COA8: variants seen among roughly 807,000 people sequenced by gnomAD.
COA8 encodes the protein cytochrome c oxidase assembly factor 8.
Under a neutral mutation model 22.0 loss-of-function variants are expected in COA8, and 20 were observed. The ratio of observed to expected loss-of-function variants is 0.91; its 90% confidence interval spans 0.64 to 1.32. The LOEUF (loss-of-function observed/expected upper bound fraction) is 1.32. COA8 is among the 40% of genes most tolerant of loss of function. The probability of loss-of-function intolerance (pLI) is 0.00; values close to 1 mark genes in which losing one functional copy is unlikely to be tolerated. For missense variants in COA8, 266 were observed against 230.0 expected (o/e 1.16, Z -1.01); for synonymous variants, 105 against 79.9 (o/e 1.31, Z -1.68).
chr14:103,574,543 T>G, intron 3 of COA8: 1 of 446,894 alleles, frequency 2.2e-6, no homozygotes, highest in South Asian at 1.7e-5. Flanking sequence ...GGTGTCAGTG[T>G]TAGGCCTGAA....
intron 1 of COA8, among the ~76,000 whole-genome samples, chr14:103,568,650 G>A (rs2076156546): frequency 6.9e-6 from 1 of 144,974 alleles, no homozygotes; most frequent in South Asian, 2.1e-4. Flanking sequence ...TATATATAGT[G>A]ACAGGGTCTC....
intron 3 of COA8, among the ~76,000 whole-genome samples, chr14:103,576,839 C>T (rs566237681): frequency 5.2e-4 from 79 of 152,172 alleles, no homozygotes; most frequent in African/African-American, 1.8e-3. Flanking sequence ...GCCATGGAGA[C>T]GGGAGGAAGC....
At chr14:103,567,588 G>A (rs1017705642) in intron 1 of COA8, 1 of 152,138 alleles carries the variant, frequency 6.6e-6, no homozygotes, top group African/African-American at 2.4e-5. Context: ...GTCTCACTTT[G>A]TTGCCCAGGC....
chr14:103,581,449 GT>G lies in COA8; in HGVS notation c.386-5824del. ...GTGGAGGTGCTGGACAGAGGGAGGA[GT>G]CGCCTCCTGGGCTGGTCGGAGTAGG... is the stretch of plus-strand genomic sequence containing the variant. On this transcript the variant is annotated intron_variant, in intron 3 of 4. Transcript: ENST00000409074. This position sits in a 1 kb window ranked among gnomAD's most constrained non-coding sequence, Gnocchi z 4.1. 2.5e-6 allele frequency: 1 copy of G among 392,556 alleles called. No homozygotes were observed. Among genetic ancestry groups the G allele is most frequent in the Non-Finnish European group, 4.5e-6 (1 of 222,800 alleles). The allele number at this position is 392,556 out of a possible 1,614,324, so 24.3% of individuals were successfully genotyped here.
intron 3 of COA8, among the ~76,000 whole-genome samples, chr14:103,576,036 G>T (rs555919461): frequency 1.3e-5 from 2 of 151,904 alleles, no homozygotes; most frequent in East Asian, 3.9e-4. Context: ...GGCCGGGCGC[G>T]GTGGTTCACG....
intron 1 of COA8, 173 bp downstream of exon 1, chr14:103,563,297 A>T (rs367793384): frequency 2.2e-6 from 2 of 892,246 alleles, no homozygotes; most frequent in East Asian, 2.6e-5. Flanking sequence ...CAACGCCCTC[A>T]GTCGGATGGG....
intron 4 of COA8, among the ~76,000 whole-genome samples, chr14:103,589,209 G>A (rs1260573157): frequency 6.6e-6 from 1 of 152,304 alleles, no homozygotes; most frequent in East Asian, 1.9e-4. Context: ...CAGGTCGTCT[G>A]TATTAGTGAA....
chr14:103,587,358 A>G lies in COA8; in HGVS notation c.470A>G (p.Tyr157Cys), dbSNP rs1052785319. 7.5e-6 allele frequency: 12 copies of G among 1,610,548 alleles called. No homozygotes were observed. The highest frequency in any genetic ancestry group is 9.3e-6 in the Non-Finnish European group (11 of 1,177,292). Residue 157 changes from tyrosine to cysteine, a missense_variant, in exon 4 of 5, where the codon TAT becomes TGT. By Grantham distance (194) the Tyr-to-Cys change is radical. Transcript: ENST00000409074. ...LSKNFQKHMYYNRDWYKRNFA... is the reference protein window; with the variant it reads ...LSKNFQKHMYCNRDWYKRNFA... ...AAAAATTTTCAGAAGCACATGTATTATAACAGGTAGGTGTTTACTCTTTTC... is the reference window on the plus strand; with the variant it reads ...AAAAATTTTCAGAAGCACATGTATTGTAACAGGTAGGTGTTTACTCTTTTC...
chr14:103,570,832 TC>T (rs1177233232), intron 1 of COA8, among the ~76,000 whole-genome samples: 2 of 152,198 alleles, frequency 1.3e-5, no homozygotes, highest in Non-Finnish European at 2.9e-5. Flanking sequence ...CTAGATTTTT[TC>T]AAAAATAGTT....
chr14:103,582,729 C>T (rs2076277493), intron 3 of COA8, among the ~76,000 whole-genome samples: 1 of 137,746 alleles, frequency 7.3e-6, no homozygotes, highest in South Asian at 2.2e-4. Context: ...CCATAAAATT[C>T]ACCCTGCCTT....
chr14:103,567,523 A>G (rs1164802589), intron 1 of COA8: 5 of 152,106 alleles, frequency 3.3e-5, no homozygotes, highest in Admixed American at 2.6e-4. Context: ...AGCACTGGCA[A>G]TTTTTGACAG....
intron 3 of COA8, among the ~76,000 whole-genome samples, chr14:103,585,524 T>G (rs2151186823): frequency 6.6e-6 from 1 of 151,558 alleles, no homozygotes; most frequent in East Asian, 1.9e-4. Flanking sequence ...TACTAGACCT[T>G]TATTAGATGG....
Position 103,574,119 on chromosome 14 carries a change from T to G in COA8, c.334T>G (p.Phe112Val). The change falls in exon 3 of 5, where the codon TTT (phenylalanine) becomes GTT (valine). Residue 112 changes from phenylalanine to valine, a missense_variant. Physicochemically the swap from Phe to Val is conservative, Grantham distance 50. Coordinates refer to ENST00000409074, the MANE Select transcript of COA8 (RefSeq NM_001370595.2). ...TTTTTTTTTTAAGGAAAAAGAAGAA[T>G]TTATTCACTCAAGACTAAAAACTAA... ...NLTFSKEKEEFIHSRLKTKGL... is the reference protein window; with the variant it reads ...NLTFSKEKEEVIHSRLKTKGL... 2 of 1,454,482 alleles carry G rather than the reference T, an allele frequency of 1.4e-6. No homozygotes were observed. The highest frequency in any genetic ancestry group is 1.9e-6 in the Non-Finnish European group (2 of 1,069,062). The allele number at this position is 1,454,482 out of a possible 1,614,324, so 90.1% of individuals were successfully genotyped here.
chr14:103,587,217 T>G, intron 3 of COA8, 57 bp from the exon 4 acceptor site: 1 of 1,447,390 alleles, frequency 6.9e-7, no homozygotes, highest in Non-Finnish European at 9.6e-7. Context: ...GCTCTAATAG[T>G]TTTTTGTTTA....
intron 1 of COA8, among the ~76,000 whole-genome samples, chr14:103,568,614 T>C (rs977798819): frequency 3.1e-5 from 2 of 64,868 alleles, no homozygotes; most frequent in Non-Finnish European, 6.0e-5. Flanking sequence ...TATATATATG[T>C]GTGTGTGTAT....
chr14:103,564,571 CTTTTTTTTTTTTTTTT>C (rs561702478), intron 1 of COA8, among the ~76,000 whole-genome samples: 16 of 91,480 alleles, frequency 1.7e-4, no homozygotes, highest in African/African-American at 7.5e-4. Context: ...ATATACACTT[CTTTTTTTTTTTTTTTT>C]TTTTTTTTTT....
intron 1 of COA8, among the ~76,000 whole-genome samples, chr14:103,569,776 C>T (rs887595535): frequency 6.6e-6 from 1 of 152,192 alleles, no homozygotes; most frequent in Non-Finnish European, 1.5e-5. Context: ...AGCCCATGAA[C>T]ATTTTCTGAG....
At chr14:103,574,629 C>A (rs1233130676) in intron 3 of COA8, 1 of 353,962 alleles carries the variant, frequency 2.8e-6, no homozygotes, top group Non-Finnish European at 5.5e-6. Flanking sequence ...AAATCATCGA[C>A]CCCAAAAGCC....
In COA8 at chr14:103,564,571, C is replaced by CTTTTTTTTTTTT. The variant is rs561702478; in HGVS notation, c.123+1462_123+1473dup. On this transcript the variant is annotated intron_variant, in intron 1 of 4. Transcript: ENST00000409074. ...GATTTCTCTATTGTCATATACACTT[C>CTTTTTTTTTTTT]TTTTTTTTTTTTTTTTTTTTTTTTT... Among the ~76,000 whole-genome samples the CTTTTTTTTTTTT allele has an allele frequency of 5.5e-5, 5 of 91,460 alleles. 1 individual carries two copies. Among genetic ancestry groups the CTTTTTTTTTTTT allele is most frequent in the Admixed American group, 1.2e-4 (1 of 8,680 alleles). The allele number at this position is 91,460 out of a possible 152,430, so 60.0% of individuals were successfully genotyped here. A position where few individuals can be genotyped will look rare whatever the true frequency, so the allele number is the denominator to read the frequency against.
Sources: allele counts gnomAD v4.1 joint callset (sites outside exome capture counted in the v4.1 genomes callset), GRCh38; gene constraint gnomAD v4.1.1; non-coding constraint Gnocchi (gnomAD v3.1); transcripts MANE v1.5; gene names NCBI Gene and HGNC (gene_info 2026-07-23, HGNC 2026-07-21).